BRAF: variants seen among roughly 807,000 people sequenced by gnomAD.
BRAF encodes the protein serine/threonine-protein kinase B-raf.
A neutral mutation model predicts 104.6 loss-of-function variants in BRAF; 16 were observed. The observed-to-expected ratio is 0.15, with a 90% CI of 0.10 to 0.23. The LOEUF (loss-of-function observed/expected upper bound fraction) is 0.23. BRAF is among the 10% of genes least tolerant of loss of function. The probability of loss-of-function intolerance (pLI) is 1.00; values close to 1 mark genes in which losing one functional copy is unlikely to be tolerated. For missense variants in BRAF, 541 were observed against 937.3 expected, an observed-to-expected ratio of 0.58 and a Z score of 5.52; for synonymous variants, 310 against 341.6, an observed-to-expected ratio of 0.91 and a Z score of 1.02.
At chr7:140,771,396 G>A (rs978392273) in intron 14 of BRAF, among the ~76,000 whole-genome samples, 20 of 152,028 alleles carry the variant, frequency 1.3e-4, no homozygotes, top group Non-Finnish European at 5.9e-5. Flanking sequence ...GGGTTTTGCC[G>A]TTGCCCAGGC....
At chr7:140,919,141 C>T (rs1226079843) in intron 1 of BRAF, among the ~76,000 whole-genome samples, 2 of 125,280 alleles carry the variant, frequency 1.6e-5, no homozygotes, top group African/African-American at 4.1e-5. Flanking sequence ...AGCGAGACTC[C>T]GTCTCAAAAA....
rs1460975783 is a variant in BRAF, at chr7:140,749,190, A to G, written c.2112+97T>C. The G allele has an allele frequency of 7.8e-6, 12 of 1,531,012 alleles. No homozygotes were observed. In the African/African-American group the frequency reaches 1.7e-4, roughly 21 times the overall value. The allele number at this position is 1,531,012 out of a possible 1,614,324, so 94.8% of individuals were successfully genotyped here. A position where few individuals can be genotyped will look rare whatever the true frequency, so the allele number is the denominator to read the frequency against. On this transcript the variant is annotated intron_variant, in intron 17 of 19. Coordinates refer to ENST00000644969, the MANE Select transcript of BRAF (RefSeq NM_001374258.1). ...CTGGTAACAAAAAATCAAGAAATCT[A>G]TCCTTCACGCTTACCCAGGAGTTAA...
chr7:140,860,472 AAAAAAAAAAG>A (rs910725945), intron 1 of BRAF, among the ~76,000 whole-genome samples: 1 of 146,048 alleles, frequency 6.8e-6, no homozygotes, highest in South Asian at 2.1e-4. Context: ...CTAGAAAAAA[AAAAAAAAAAG>A]AAAAAAAAGA....
intron 3 of BRAF, among the ~76,000 whole-genome samples, chr7:140,832,795 T>A (rs1212684029): frequency 3.3e-5 from 5 of 152,166 alleles, no homozygotes; most frequent in African/African-American, 1.2e-4. Flanking sequence ...TATTTCTTTT[T>A]AAAAGGGAAA....
intron 3 of BRAF, among the ~76,000 whole-genome samples, chr7:140,817,335 T>G (rs1342326471): frequency 6.6e-6 from 1 of 152,174 alleles, no homozygotes; most frequent in Non-Finnish European, 1.5e-5. Context: ...ACCGGCCATG[T>G]TCATGGACTG....
chr7:140,773,400 G>A (rs1006740306), intron 14 of BRAF: 3 of 152,090 alleles, frequency 2.0e-5, no homozygotes, highest in Admixed American at 1.3e-4. Flanking sequence ...AAGACTCTTC[G>A]AATCTTCTGC....
intron 1 of BRAF, among the ~76,000 whole-genome samples, chr7:140,913,469 C>CTTTTTTTTT (rs369746551): frequency 3.0e-4 from 17 of 57,020 alleles, no homozygotes; most frequent in East Asian, 6.8e-4. Flanking sequence ...TTAATCACAG[C>CTTTTTTTTT]TTTTTTTTTT....
chr7:140,908,684 T>C (rs1816606499), intron 1 of BRAF, among the ~76,000 whole-genome samples: 1 of 152,322 alleles, frequency 6.6e-6, no homozygotes, highest in African/African-American at 2.4e-5. Flanking sequence ...TGCAATCACA[T>C]GGATATGGGA....
At chr7:140,726,675 T>C (rs28718470) in intron 19 of BRAF, among the ~76,000 whole-genome samples, 4,196 of 152,294 alleles carry the variant, frequency 0.028, 203 homozygotes, top group African/African-American at 0.094. Context: ...CTGAAACCCA[T>C]GGAAGAACAC....
intron 19 of BRAF, chr7:140,732,761 G>C (rs1218554505): frequency 6.6e-6 from 1 of 152,182 alleles, no homozygotes; most frequent in Non-Finnish European, 1.5e-5. Flanking sequence ...CTGTGAGGCA[G>C]GTATGCTGGG....
At position 140,774,564 on chromosome 7, in the gene BRAF, C is replaced by T. The variant is rs192370660; in HGVS notation, c.1814+2348G>A. Among the ~76,000 whole-genome samples, 13 of 152,354 alleles carry T rather than the reference C, an allele frequency of 8.5e-5. No individual in the cohort carries two copies. In the East Asian group the frequency reaches 2.3e-3, roughly 27 times the overall value. On this transcript the variant is annotated intron_variant, in intron 14 of 19. Coordinates refer to ENST00000644969, the MANE Select transcript of BRAF (RefSeq NM_001374258.1). ...ACAGGGTCTCGCTCTGTTACCCAGGCTGGATGCAGTGGCACAATCACGACT... is the reference window on the plus strand; with the variant it reads ...ACAGGGTCTCGCTCTGTTACCCAGGTTGGATGCAGTGGCACAATCACGACT...
intron 11 of BRAF, 72 bp downstream of exon 10, chr7:140,782,949 G>C: frequency 6.6e-7 from 1 of 1,517,672 alleles, no homozygotes; most frequent in South Asian, 1.1e-5. Context: ...ATATCTAAAG[G>C]ATAATATTAC....
At chr7:140,734,434 T>A (rs1685810728) in intron 19 of BRAF, 2 of 1,528,964 alleles carry the variant, frequency 1.3e-6, no homozygotes, top group Non-Finnish European at 8.7e-7. Flanking sequence ...AAGTATAAAT[T>A]TTAGTTTGGG....
At chr7:140,811,816 T>C (rs927731161) in intron 3 of BRAF, among the ~76,000 whole-genome samples, 1 of 152,234 alleles carries the variant, frequency 6.6e-6, no homozygotes, top group Admixed American at 6.5e-5. Context: ...ATAATCCTTG[T>C]ACTTCCCCTA....
intron 1 of BRAF, among the ~76,000 whole-genome samples, chr7:140,874,740 T>C (rs907691993): frequency 5.3e-5 from 8 of 152,030 alleles, no homozygotes; most frequent in African/African-American, 1.7e-4. Flanking sequence ...CCAGGTGATA[T>C]GGTTTGAATC....
rs564623913 is a variant in BRAF at position 140,895,982 on chromosome 7, G to C, written c.138+28584C>G. Among the ~76,000 whole-genome samples the C allele has an allele frequency of 4.6e-5, 7 of 152,272 alleles. No homozygotes were observed. The South Asian group carries it at 1.5e-3, about 32-fold the overall frequency. Reference sequence around the variant, plus strand: ...TCACAGGAACCTCCATACTGATACAGTGTCTGTACTAGTTTACATTCCCAC... The same window carrying C: ...TCACAGGAACCTCCATACTGATACACTGTCTGTACTAGTTTACATTCCCAC... On this transcript the variant is annotated intron_variant, in intron 1 of 19. Coordinates refer to ENST00000644969, the MANE Select transcript of BRAF (RefSeq NM_001374258.1).
At chr7:140,911,539 G>C (rs1477708035) in intron 1 of BRAF, among the ~76,000 whole-genome samples, 1 of 152,214 alleles carries the variant, frequency 6.6e-6, no homozygotes, top group Non-Finnish European at 1.5e-5. Flanking sequence ...GACTTGGAAA[G>C]AGGTTAAGAA....
chr7:140,737,042 C>G (rs867828725), intron 18 of BRAF, among the ~76,000 whole-genome samples: 1 of 151,432 alleles, frequency 6.6e-6, no homozygotes. Context: ...AGAACAGGCC[C>G]AGCCTATAAA....
chr7:140,877,166 C>T (rs1812353292), intron 1 of BRAF, among the ~76,000 whole-genome samples: 1 of 151,934 alleles, frequency 6.6e-6, no homozygotes, highest in South Asian at 2.1e-4. Flanking sequence ...GACCACAAGG[C>T]TAGTTCAATA....
Sources: gnomAD v4.1 joint callset for allele counts (sites outside exome capture counted in the v4.1 genomes callset) on GRCh38, gnomAD v4.1.1 for gene constraint, MANE v1.5 for transcripts, NCBI Gene and HGNC (gene_info 2026-07-23, HGNC 2026-07-21) for gene names.